Variants in OXR1 observed in about 807,000 individuals in gnomAD.
OXR1 encodes the protein oxidation resistance protein 1.
A neutral mutation model predicts 104.6 loss-of-function variants in OXR1; 41 were observed. That is an observed-to-expected ratio of 0.39 (90% CI 0.31 to 0.51). The LOEUF is 0.51. Among genes scored for constraint, OXR1 ranks in the 20% least tolerant of loss-of-function variants. The pLI, the probability that OXR1 is intolerant of heterozygous loss-of-function variation, is 0.77. For synonymous variants in OXR1, 348 were observed against 348.4 expected, an observed-to-expected ratio of 1.00 and a Z score of 0.01; for missense variants, 955 against 1,031.9, an observed-to-expected ratio of 0.93 and a Z score of 1.02.
chr8:106,346,337 G>A (rs1304603306), intron 1 of OXR1, among the ~76,000 whole-genome samples: 1 of 151,972 alleles, frequency 6.6e-6, no homozygotes, highest in African/African-American at 2.4e-5. Context: ...TGAACAGCCG[G>A]GACTATTAAA....
intron 1 of OXR1, among the ~76,000 whole-genome samples, chr8:106,334,141 A>G (rs1004354284): frequency 6.6e-6 from 1 of 152,188 alleles, no homozygotes; most frequent in Non-Finnish European, 1.5e-5. Flanking sequence ...TTCTTTCAAC[A>G]ATGTTTTATA....
intron 1 of OXR1, among the ~76,000 whole-genome samples, chr8:106,325,230 A>G (rs912687141): frequency 6.6e-6 from 1 of 152,214 alleles, no homozygotes; most frequent in Non-Finnish European, 1.5e-5. Flanking sequence ...ATATTGCCAT[A>G]TAACATATTC....
At chr8:106,595,843 T>C (rs1253163009) in intron 3 of OXR1, among the ~76,000 whole-genome samples, 1 of 152,124 alleles carries the variant, frequency 6.6e-6, no homozygotes, top group African/African-American at 2.4e-5. Flanking sequence ...CACATTTGAG[T>C]ATTTTTGGAA....
chr8:106,616,351 G>A (rs748389995), intron 3 of OXR1, among the ~76,000 whole-genome samples: 89 of 146,914 alleles, frequency 6.1e-4, no homozygotes, highest in African/African-American at 1.4e-3. Context: ...GTGAGCCACC[G>A]CGCCCAGCCA....
chr8:106,283,186 C>T (rs1586469335), intron 1 of OXR1, among the ~76,000 whole-genome samples: 1 of 152,162 alleles, frequency 6.6e-6, no homozygotes, highest in African/African-American at 2.4e-5. Context: ...TGAGTTAGCA[C>T]GTTTCTGAGC....
intron 2 of OXR1, among the ~76,000 whole-genome samples, chr8:106,416,129 C>T (rs1025770626): frequency 2.6e-5 from 4 of 151,956 alleles, no homozygotes; most frequent in Non-Finnish European, 4.4e-5. Flanking sequence ...GAGGAGGTGA[C>T]CTTTTATCTG....
At chr8:106,428,691 T>G (rs1360301139) in intron 2 of OXR1, among the ~76,000 whole-genome samples, 1 of 151,482 alleles carries the variant, frequency 6.6e-6, no homozygotes, top group African/African-American at 2.4e-5. Flanking sequence ...GCACATAGAA[T>G]ATAGGATTAG....
rs770900763 is a variant in OXR1 at position 106,414,770 on chromosome 8, C to T, written c.23+55134C>T. On this transcript the variant is annotated intron_variant, in intron 2 of 16. Coordinates refer to ENST00000517566, the MANE Select transcript of OXR1 (RefSeq NM_001198533.2). Reference sequence around the variant, plus strand: ...AATCTTTGGAAGATTGGTAAGAGTACAGACTGGAAAGGAAGGTTAGCAACA... The same window carrying T: ...AATCTTTGGAAGATTGGTAAGAGTATAGACTGGAAAGGAAGGTTAGCAACA... Among the ~76,000 whole-genome samples the T allele has an allele frequency of 6.3e-4, 96 of 151,974 alleles. 1 individual carries two copies. The highest frequency in any genetic ancestry group is 9.8e-4 in the Admixed American group (15 of 15,236).
intron 16 of OXR1, 96 bp from the exon 17 acceptor site, chr8:106,750,710 T>G (rs1835830429): frequency 1.2e-6 from 1 of 846,332 alleles, no homozygotes; most frequent in African/African-American, 1.8e-5. Context: ...TTGAGAAAAT[T>G]AATAACTTTA....
intron 3 of OXR1, among the ~76,000 whole-genome samples, chr8:106,553,018 T>C (rs948641980): frequency 1.3e-5 from 2 of 152,114 alleles, no homozygotes; most frequent in African/African-American, 2.4e-5. Flanking sequence ...GGGTGTGCAG[T>C]AGGATTTTAT....
At chr8:106,492,265 G>C (rs1811140966) in intron 2 of OXR1, among the ~76,000 whole-genome samples, 1 of 152,206 alleles carries the variant, frequency 6.6e-6, no homozygotes, top group Non-Finnish European at 1.5e-5. Context: ...CAAGTGCTAT[G>C]TGTTGCTAAT....
At chr8:106,441,570 T>C (rs536453527) in intron 2 of OXR1, among the ~76,000 whole-genome samples, 1 of 152,310 alleles carries the variant, frequency 6.6e-6, no homozygotes, top group Non-Finnish European at 1.5e-5. Context: ...TTTCCATTTG[T>C]TTGTGTCCTC....
intron 1 of OXR1, among the ~76,000 whole-genome samples, chr8:106,308,290 C>G (rs1044850325): frequency 1.3e-5 from 2 of 152,138 alleles, no homozygotes; most frequent in African/African-American, 4.8e-5. Flanking sequence ...CTTCCTCCAC[C>G]TTTTTGTTTA....
intron 3 of OXR1, among the ~76,000 whole-genome samples, chr8:106,617,249 C>A (rs759252735): frequency 2.0e-5 from 3 of 152,082 alleles, no homozygotes; most frequent in Admixed American, 6.6e-5. Flanking sequence ...ATAATGAAAC[C>A]CCATCTCTAC....
chr8:106,395,769 A>G (rs10087258), intron 2 of OXR1, among the ~76,000 whole-genome samples: 7,460 of 152,186 alleles, frequency 0.049, 611 homozygotes, highest in African/African-American at 0.17. Context: ...AGCAGACCCA[A>G]TGCCTAGATT....
At chr8:106,384,130 TA>T (rs1441804174) in intron 2 of OXR1, among the ~76,000 whole-genome samples, 3 of 152,290 alleles carry the variant, frequency 2.0e-5, no homozygotes, top group South Asian at 2.1e-4. Context: ...TGCTTGTCTA[TA>T]AAAAGTAAAT....
chr8:106,503,993 T>C (rs1408395992), intron 2 of OXR1, among the ~76,000 whole-genome samples: 1 of 151,970 alleles, frequency 6.6e-6, no homozygotes, highest in Non-Finnish European at 1.5e-5. Context: ...TCCTAAAATA[T>C]CCCACCCAAC....
chr8:106,377,626 G>T (rs1478635344), intron 2 of OXR1, among the ~76,000 whole-genome samples: 1 of 152,174 alleles, frequency 6.6e-6, no homozygotes, highest in East Asian at 1.9e-4. Context: ...ATCTATGCTG[G>T]ATATATTTCA....
At chr8:106,278,723 T>G (rs1812161842) in intron 1 of OXR1, among the ~76,000 whole-genome samples, 1 of 152,212 alleles carries the variant, frequency 6.6e-6, no homozygotes, top group South Asian at 2.1e-4. Context: ...AGAAGAATGT[T>G]AACAGCCATG....
Sources: allele counts gnomAD v4.1 joint callset (sites outside exome capture counted in the v4.1 genomes callset), GRCh38; gene constraint gnomAD v4.1.1; transcripts MANE v1.5; gene names NCBI Gene and HGNC (gene_info 2026-07-23, HGNC 2026-07-21).